The following ADAMTS5 variants were observed in gnomAD, a reference collection of about 807,000 sequenced individuals.
ADAMTS5 encodes A disintegrin and metalloproteinase with thrombospondin motifs 5.
A neutral mutation model predicts 81.4 loss-of-function variants in ADAMTS5; 54 were observed. The observed-to-expected ratio is 0.66, with a 90% CI of 0.53 to 0.83. The LOEUF is 0.83. ADAMTS5 is among the 40% of genes least tolerant of loss of function. The pLI is 0.00. For missense variants in ADAMTS5, 1,194 were observed against 1,229.9 expected (o/e 0.97, Z 0.44); for synonymous variants, 532 against 508.8 (o/e 1.05, Z -0.61).
chr21:26,966,299 G>A lies in ADAMTS5; in HGVS notation c.93C>T (p.Ala31=), dbSNP rs748300980. Residue 31 remains alanine, a synonymous_variant, in exon 1 of 8, where the codon GCC becomes GCT. Transcript: ENST00000284987. Reference sequence around the variant, plus strand: ...CTGCTGCAGCAGTCGGAGGCTGCCCGGCTTTATCCTGGGCAGGTGTCGCGG... The same window carrying A: ...CTGCTGCAGCAGTCGGAGGCTGCCCAGCTTTATCCTGGGCAGGTGTCGCGG... The part of the protein sequence containing the change: ...GPAATPAQDK[A]GQPPTAAAAA... The A allele has an allele frequency of 4.6e-6, 7 of 1,537,826 alleles. No individual in the cohort carries two copies. Among genetic ancestry groups the A allele is most frequent in the Non-Finnish European group, 6.1e-6 (7 of 1,148,500 alleles).
In ADAMTS5 at chr21:26,932,971, T is replaced by C; in HGVS notation, c.1763A>G (p.Gln588Arg). The C allele has an allele frequency of 6.2e-7, 1 of 1,614,014 alleles. No individual in the cohort carries two copies. Among genetic ancestry groups the C allele is most frequent in the South Asian group, 1.1e-5 (1 of 91,060 alleles). Residue 588 changes from glutamine to arginine, a missense_variant, in exon 5 of 8, where the codon CAG becomes CGG. Physicochemically the swap from Gln to Arg is conservative, Grantham distance 43 (BLOSUM62 1). This residue lies in a region of ADAMTS5 where 696 missense variants were observed against 817.6 expected (regional missense o/e 0.85). Coordinates refer to ENST00000284987, the MANE Select transcript of ADAMTS5 (RefSeq NM_007038.5). Reference protein sequence around the residue: ...QCSRSCGGGVQFAYRHCNNPA... With the variant: ...QCSRSCGGGVRFAYRHCNNPA... ...GTTATTACAGTGACGATAGGCAAAC[T>C]GCACTCCTCCTCCACATGAGCGAGA...
chr21:26,965,196 G>A, intron 1 of ADAMTS5, 92 bp downstream of exon 1: 1 of 1,503,336 alleles, frequency 6.7e-7, no homozygotes, highest in Admixed American at 2.0e-5. Context: ...AGCTGCAGGA[G>A]GTTTGAGGGA....
Position 26,965,611 on chromosome 21 carries a change from G to C in ADAMTS5, c.781C>G (p.Arg261Gly), listed in dbSNP as rs1987630035. ...GPQTWWRRRR[R>G]SISRARQVEL... Reference sequence around the variant, plus strand: ...ACCTGGCGGGCCCGGGAGATGGAGCGGCGCCGCCGCCGCCACCACGTCTGC... The same window carrying C: ...ACCTGGCGGGCCCGGGAGATGGAGCCGCGCCGCCGCCGCCACCACGTCTGC... Residue 261 changes from arginine to glycine, a missense_variant, in exon 1 of 8, where the codon CGC (arginine) becomes GGC (glycine). Around this residue, in one of 2 missense-constraint regions of ADAMTS5, gnomAD observed 498 missense variants for 412.3 expected, o/e 1.21. Coordinates refer to ENST00000284987, the MANE Select transcript of ADAMTS5 (RefSeq NM_007038.5). 1.9e-6 allele frequency: 3 copies of C among 1,598,234 alleles called. No individual in the cohort carries two copies. Among genetic ancestry groups the C allele is most frequent in the East Asian group, 2.3e-5 (1 of 44,316 alleles).
At chr21:26,958,810 A>G (rs1286110122) in intron 1 of ADAMTS5, among the ~76,000 whole-genome samples, 3 of 152,206 alleles carry the variant, frequency 2.0e-5, no homozygotes, top group African/African-American at 7.2e-5. Context: ...TTATGAACAG[A>G]TTGTTCAGGG....
rs1299193258 is a variant in ADAMTS5, at chr21:26,923,413, A to G, written c.*640T>C. On this transcript the variant is annotated 3_prime_UTR_variant, in exon 8 of 8. Coordinates refer to ENST00000284987, the MANE Select transcript of ADAMTS5 (RefSeq NM_007038.5). ...ATCTATTTACTTTTCAAAATTTCTCAGAAGATACTTGCTGTCAAAATGGTT... is the reference window on the plus strand; with the variant it reads ...ATCTATTTACTTTTCAAAATTTCTCGGAAGATACTTGCTGTCAAAATGGTT... 1.3e-5 allele frequency: 2 copies of G among 152,312 alleles called. No individual in the cohort carries two copies. The highest frequency in any genetic ancestry group is 4.8e-5 in the African/African-American group (2 of 41,458). The allele number at this position is 152,312 out of a possible 1,614,324, so 9.4% of individuals were successfully genotyped here.
In ADAMTS5 at chr21:26,918,475, G is replaced by T. The variant is rs1438243263; in HGVS notation, c.*5578C>A. On this transcript the variant is annotated 3_prime_UTR_variant, in exon 8 of 8. Transcript: ENST00000284987. ...ATTTCTTCAGTCTATTTAGTTATCT[G>T]CAAAGTCTATTTACAAAGCATATGT... 3 of 151,902 alleles carry T rather than the reference G, an allele frequency of 2.0e-5. No individual in the cohort carries two copies. Among genetic ancestry groups the T allele is most frequent in the Non-Finnish European group, 2.9e-5 (2 of 67,904 alleles). The allele number at this position is 151,902 out of a possible 1,614,324, so 9.4% of individuals were successfully genotyped here. A position where few individuals can be genotyped will look rare whatever the true frequency, so the allele number is the denominator to read the frequency against.
At chr21:26,924,659 G>T in intron 7 of ADAMTS5, 39 bp from the exon 8 acceptor site, 2 of 1,495,944 alleles carry the variant, frequency 1.3e-6, no homozygotes, top group Non-Finnish European at 1.8e-6. Flanking sequence ...GGGGAAGGTG[G>T]TTAAAAAAAG....
Position 26,966,600 on chromosome 21 carries a change from A to T in ADAMTS5, c.-209T>A. 2 of 124,434 alleles carry T rather than the reference A, an allele frequency of 1.6e-5. No individual in the cohort carries two copies. Among genetic ancestry groups the T allele is most frequent in the Non-Finnish European group, 2.9e-5 (2 of 68,192 alleles). The allele number at this position is 124,434 out of a possible 1,614,324, so 7.7% of individuals were successfully genotyped here. On this transcript the variant is annotated 5_prime_UTR_variant, in exon 1 of 8. Coordinates refer to ENST00000284987, the MANE Select transcript of ADAMTS5 (RefSeq NM_007038.5). ...GAACTTTTCTTTGTTGCTTGGGAAA[A>T]TGTTTGGATTCGTGCTCCAGAAAGA...
In ADAMTS5 at chr21:26,923,079, G is replaced by A. The variant is rs924770270; in HGVS notation, c.*974C>T. On this transcript the variant is annotated 3_prime_UTR_variant, in exon 8 of 8. Coordinates refer to ENST00000284987, the MANE Select transcript of ADAMTS5 (RefSeq NM_007038.5). Reference sequence around the variant, plus strand: ...AGTGTTGAATGTGTTGGACATGATAGAAAACTTGCTGTGTGTTTTGTACGT... The same window carrying A: ...AGTGTTGAATGTGTTGGACATGATAAAAAACTTGCTGTGTGTTTTGTACGT... The A allele has an allele frequency of 1.3e-5, 2 of 152,164 alleles. No homozygotes were observed. The highest frequency in any genetic ancestry group is 2.9e-5 in the Non-Finnish European group (2 of 68,010). The allele number at this position is 152,164 out of a possible 1,614,324, so 9.4% of individuals were successfully genotyped here. A position where few individuals can be genotyped will look rare whatever the true frequency, so the allele number is the denominator to read the frequency against.
chr21:26,947,170 C>A (rs566519503), intron 2 of ADAMTS5, among the ~76,000 whole-genome samples: 4 of 152,326 alleles, frequency 2.6e-5, no homozygotes, highest in Admixed American at 1.3e-4. Flanking sequence ...GTTTACAATA[C>A]TCTTTCTCAG....
intron 1 of ADAMTS5, among the ~76,000 whole-genome samples, chr21:26,958,467 T>C (rs1484426223): frequency 6.6e-6 from 1 of 152,082 alleles, no homozygotes; most frequent in African/African-American, 2.4e-5. Flanking sequence ...TCCCCAATAA[T>C]AGGGGTTTTA....
At chr21:26,965,141 G>T in intron 1 of ADAMTS5, 147 bp downstream of exon 1, 1 of 1,254,580 alleles carries the variant, frequency 8.0e-7, no homozygotes, top group Non-Finnish European at 1.1e-6. Flanking sequence ...GAGCAGAGTT[G>T]AAGGCTGGTT....
Position 26,923,768 on chromosome 21 carries a change from C to T in ADAMTS5, c.*285G>A. The T allele has an allele frequency of 9.0e-6, 3 of 334,448 alleles. No individual in the cohort carries two copies. The highest frequency in any genetic ancestry group is 1.7e-5 in the Non-Finnish European group (3 of 180,550). 20.7% of individuals were successfully genotyped at this position (334,448 alleles called of 1,614,324 possible). On this transcript the variant is annotated 3_prime_UTR_variant, in exon 8 of 8. Coordinates refer to ENST00000284987, the MANE Select transcript of ADAMTS5 (RefSeq NM_007038.5). ...AGGTGACAAGGGGGAGACAGTTCTGCCATCTTCAAATGTCCCCTGATTTTA... is the reference window on the plus strand; with the variant it reads ...AGGTGACAAGGGGGAGACAGTTCTGTCATCTTCAAATGTCCCCTGATTTTA...
chr21:26,957,063 C>G (rs954046579), intron 1 of ADAMTS5, among the ~76,000 whole-genome samples: 89 of 152,302 alleles, frequency 5.8e-4, no homozygotes, highest in African/African-American at 2.0e-3. Flanking sequence ...CCATTTCACT[C>G]ACACAATTTC....
chr21:26,965,265 C>T (rs754128946), intron 1 of ADAMTS5, 23 bp downstream of exon 1: 33 of 1,590,314 alleles, frequency 2.1e-5, no homozygotes, highest in Non-Finnish European at 6.9e-6. Context: ...GCGCTGGGAC[C>T]CCCGCATCCC....
At chr21:26,948,765 A>T (rs1285070193) in intron 2 of ADAMTS5, among the ~76,000 whole-genome samples, 1 of 152,206 alleles carries the variant, frequency 6.6e-6, no homozygotes, top group Non-Finnish European at 1.5e-5. Flanking sequence ...ATCCTTTTGA[A>T]TCCATTTCAG....
Position 26,962,430 on chromosome 21 carries a change from A to C in ADAMTS5, c.1104+2858T>G, listed in dbSNP as rs1009895101. Among the ~76,000 whole-genome samples, 25 of 152,178 alleles carry C rather than the reference A, an allele frequency of 1.6e-4. 1 individual carries two copies. The highest frequency in any genetic ancestry group is 3.4e-4 in the Non-Finnish European group (23 of 68,028). ...AAATTGACTGGTGCTAACTCTCTCT[A>C]ATTAGAATAGTACTGGAGTGCTGGG... is the stretch of plus-strand genomic sequence containing the variant. On this transcript the variant is annotated intron_variant, in intron 1 of 7. Coordinates refer to ENST00000284987, the MANE Select transcript of ADAMTS5 (RefSeq NM_007038.5).
At chr21:26,959,959 A>T (rs2123206521) in intron 1 of ADAMTS5, among the ~76,000 whole-genome samples, 1 of 152,222 alleles carries the variant, frequency 6.6e-6, no homozygotes, top group Non-Finnish European at 1.5e-5. Flanking sequence ...CCTTCATGTC[A>T]GCCTTAGCCT....
chr21:26,944,758 A>G (rs946322744), intron 2 of ADAMTS5, among the ~76,000 whole-genome samples: 1 of 152,176 alleles, frequency 6.6e-6, no homozygotes, highest in African/African-American at 2.4e-5. Context: ...GTGTGCACCA[A>G]TAAAACCCAA....
Sources: gnomAD v4.1 joint callset for allele counts (sites outside exome capture counted in the v4.1 genomes callset) on GRCh38, gnomAD v4.1.1 for gene constraint, gnomAD v4.1.1 regional missense constraint, MANE v1.5 for transcripts, NCBI Gene and HGNC (gene_info 2026-07-23, HGNC 2026-07-21) for gene names.